Variants in PSME3IP1 observed in about 807,000 individuals in gnomAD.
PSME3IP1 encodes the protein PSME3-interacting protein.
A neutral mutation model predicts 34.1 loss-of-function variants in PSME3IP1; 13 were observed. That is an observed-to-expected ratio of 0.38 (90% CI 0.25 to 0.61). The LOEUF (loss-of-function observed/expected upper bound fraction) is 0.61, where lower values mean the gene tolerates loss of function less well. PSME3IP1 is among the 20% of genes least tolerant of loss of function. The pLI is 0.60. For synonymous variants in PSME3IP1, 93 were observed against 114.3 expected (o/e 0.81, Z 1.19); for missense variants, 237 against 301.4 (o/e 0.79, Z 1.58).
At position 57,154,348 on chromosome 16, in the gene PSME3IP1, G is replaced by T; in HGVS notation, c.707C>A (p.Ala236Asp). The change falls in exon 7 of 7, where the codon GCC becomes GAC. Residue 236 changes from alanine to aspartate, a missense_variant. Ala to Asp is a moderately radical substitution (Grantham distance 126). Coordinates refer to ENST00000309137, the MANE Select transcript of PSME3IP1 (RefSeq NM_024946.4). This position sits in a 1 kb window ranked among gnomAD's most constrained non-coding sequence, Gnocchi z 4.0. ...SSSDSEGTIN[A>D]TGKIVSSIFR... ...GATGGAGGAGACAATCTTTCCGGTG[G>T]CATTGATGGTGCCTTCGCTGTCTGA... The T allele has an allele frequency of 6.2e-7, 1 of 1,614,082 alleles. No individual in the cohort carries two copies. The highest frequency in any genetic ancestry group is 2.2e-5 in the East Asian group (1 of 44,868).
intron 3 of PSME3IP1, 129 bp from the exon 4 acceptor site, chr16:57,172,501 G>T (rs2072704229): frequency 5.0e-6 from 5 of 1,007,754 alleles, no homozygotes; most frequent in Non-Finnish European, 7.2e-6. Context: ...AAATACCATG[G>T]CGTTTGAATA....
At chr16:57,156,361 AT>A (rs1468085003) in intron 6 of PSME3IP1, among the ~76,000 whole-genome samples, 1 of 152,228 alleles carries the variant, frequency 6.6e-6, no homozygotes, top group Non-Finnish European at 1.5e-5. Context: ...CTAACACCTC[AT>A]TTACCCAGAC....
At chr16:57,155,343 C>G (rs560758780) in intron 6 of PSME3IP1, among the ~76,000 whole-genome samples, 1 of 152,204 alleles carries the variant, frequency 6.6e-6, no homozygotes, top group Non-Finnish European at 1.5e-5. Context: ...CAGGGCTTGG[C>G]TGGGCATGGT....
chr16:57,164,046 C>T lies in PSME3IP1; in HGVS notation c.502G>A (p.Val168Met), dbSNP rs781107141. The T allele has an allele frequency of 1.1e-5, 17 of 1,614,142 alleles. No homozygotes were observed. In the East Asian group the frequency reaches 3.3e-4, roughly 32 times the overall value. ...KHKSSESGNS[V>M]KRLKPDPEPD... ...TCAGGGTCCGGTTTCAGTCTTTTCACACTGTTGCCACTCTCTGAGCTGTAA... is the reference window on the plus strand; with the variant it reads ...TCAGGGTCCGGTTTCAGTCTTTTCATACTGTTGCCACTCTCTGAGCTGTAA... Residue 168 changes from valine to methionine, a missense_variant, in exon 6 of 7, where the codon GTG becomes ATG. Coordinates refer to ENST00000309137, the MANE Select transcript of PSME3IP1 (RefSeq NM_024946.4).
chr16:57,186,033 C>T lies in PSME3IP1; in HGVS notation c.-228G>A. 5.1e-6 allele frequency: 5 copies of T among 985,464 alleles called. No homozygotes were observed. Among genetic ancestry groups the T allele is most frequent in the South Asian group, 4.7e-5 (1 of 21,286 alleles). The allele number at this position is 985,464 out of a possible 1,614,324, so 61.0% of individuals were successfully genotyped here. ...CTTCAGGGCTTCCTGTTCCTCACCG[C>T]CACAATAGAGTCCCGCCCCACTTCC... On this transcript the variant is annotated 5_prime_UTR_variant, in exon 1 of 7. Coordinates refer to ENST00000309137, the MANE Select transcript of PSME3IP1 (RefSeq NM_024946.4).
In PSME3IP1 at chr16:57,154,562, C is replaced by T; in HGVS notation, c.548-55G>A. 1 of 1,456,944 alleles carries T rather than the reference C, an allele frequency of 6.9e-7. No individual in the cohort carries two copies. The highest frequency in any genetic ancestry group is 1.3e-5 in the South Asian group (1 of 74,782). 90.3% of individuals were successfully genotyped at this position (1,456,944 alleles called of 1,614,324 possible). On this transcript the variant is annotated intron_variant, in intron 6 of 6. Coordinates refer to ENST00000309137, the MANE Select transcript of PSME3IP1 (RefSeq NM_024946.4). The surrounding 1 kb of genome is among the most constrained non-coding windows in gnomAD (Gnocchi z 4.0). ...CATCACCCTTTTCCAAAGTTGGGGA[C>T]TGACTTACCATGTGCCAGGCACTGT...
chr16:57,174,335 T>A, intron 1 of PSME3IP1: 1 of 576,990 alleles, frequency 1.7e-6, no homozygotes, highest in Non-Finnish European at 2.2e-6. Context: ...TTATAGGCCA[T>A]TGATGAAAGC....
chr16:57,167,881 G>A (rs1405171412), intron 4 of PSME3IP1, among the ~76,000 whole-genome samples: 2 of 152,192 alleles, frequency 1.3e-5, no homozygotes. Context: ...GAGAAATCCT[G>A]TGCATATATA....
chr16:57,156,135 T>C (rs2070496978), intron 6 of PSME3IP1, among the ~76,000 whole-genome samples: 1 of 152,252 alleles, frequency 6.6e-6, no homozygotes, highest in South Asian at 2.1e-4. Flanking sequence ...TACAACTTGA[T>C]GTATAGGCAT....
intron 1 of PSME3IP1, among the ~76,000 whole-genome samples, chr16:57,176,331 T>C (rs1321914124): frequency 6.6e-6 from 1 of 152,146 alleles, no homozygotes; most frequent in Admixed American, 6.5e-5. Context: ...CCATCACCCA[T>C]TTTTCCTAGT....
At chr16:57,180,143 C>T (rs2073561796) in intron 1 of PSME3IP1, among the ~76,000 whole-genome samples, 1 of 152,122 alleles carries the variant, frequency 6.6e-6, no homozygotes, top group Non-Finnish European at 1.5e-5. Context: ...CTAAAAGAAT[C>T]TAAAAACTAA....
chr16:57,154,110 A>T lies in PSME3IP1; in HGVS notation c.*180T>A. 1.7e-6 allele frequency: 1 copy of T among 602,394 alleles called. No individual in the cohort carries two copies. Among genetic ancestry groups the T allele is most frequent in the Non-Finnish European group, 2.9e-6 (1 of 343,408 alleles). The allele number at this position is 602,394 out of a possible 1,614,324, so 37.3% of individuals were successfully genotyped here. ...CTGCAGTGGAGTAGAAAGAGGAACC[A>T]AACACGATTCGGGCCACAGGTGGAT... On this transcript the variant is annotated 3_prime_UTR_variant, in exon 7 of 7. Coordinates refer to ENST00000309137, the MANE Select transcript of PSME3IP1 (RefSeq NM_024946.4). The surrounding 1 kb of genome is among the most constrained non-coding windows in gnomAD (Gnocchi z 4.0).
intron 1 of PSME3IP1, chr16:57,185,588 T>G: frequency 1.0e-6 from 1 of 985,522 alleles, no homozygotes; most frequent in Non-Finnish European, 1.2e-6. Context: ...CCGGCAGTGT[T>G]GGGCCCGCCT....
At chr16:57,168,935 T>C (rs1363651492) in intron 4 of PSME3IP1, among the ~76,000 whole-genome samples, 2 of 150,494 alleles carry the variant, frequency 1.3e-5, no homozygotes, top group Admixed American at 6.6e-5. Flanking sequence ...CTCTCAATAT[T>C]AAATATTAAA....
At chr16:57,162,933 G>A (rs1827704909) in intron 6 of PSME3IP1, among the ~76,000 whole-genome samples, 1 of 152,126 alleles carries the variant, frequency 6.6e-6, no homozygotes, top group African/African-American at 2.4e-5. Flanking sequence ...GGGAGGCCGA[G>A]GCAGGCAGAT....
chr16:57,181,829 C>T (rs1396975790), intron 1 of PSME3IP1: 1 of 152,220 alleles, frequency 6.6e-6, no homozygotes, highest in Non-Finnish European at 1.5e-5. Flanking sequence ...ATGCATAGGG[C>T]AAGGCATGTG....
intron 1 of PSME3IP1, chr16:57,181,517 G>A (rs1289615815): frequency 1.3e-5 from 2 of 152,202 alleles, no homozygotes; most frequent in Non-Finnish European, 2.9e-5. Context: ...AACCAGCTGG[G>A]TGTCCTCTAA....
At chr16:57,167,288 C>A in intron 4 of PSME3IP1, 62 bp from the exon 5 acceptor site, 8 of 1,592,200 alleles carry the variant, frequency 5.0e-6, no homozygotes, top group Non-Finnish European at 6.9e-6. Context: ...AACCCACTAG[C>A]CCTTCGGCTG....
At chr16:57,169,406 A>G (rs990360538) in intron 4 of PSME3IP1, among the ~76,000 whole-genome samples, 3 of 152,254 alleles carry the variant, frequency 2.0e-5, no homozygotes, top group Non-Finnish European at 4.4e-5. Context: ...TAGAGCTTCA[A>G]TAAACAAATG....
Sources: allele counts gnomAD v4.1 joint callset (sites outside exome capture counted in the v4.1 genomes callset), GRCh38; gene constraint gnomAD v4.1.1; non-coding constraint Gnocchi (gnomAD v3.1); transcripts MANE v1.5; gene names NCBI Gene and HGNC (gene_info 2026-07-23, HGNC 2026-07-21).